The following ARHGAP15 variants were observed in gnomAD, a reference collection of about 807,000 sequenced individuals.
ARHGAP15 encodes Rho GTPase activating protein 15.
Under a neutral mutation model 63.7 loss-of-function variants are expected in ARHGAP15, and 51 were observed. The ratio of observed to expected loss-of-function variants is 0.80; its 90% CI spans 0.64 to 1.01. The LOEUF is 1.01. Among genes scored for constraint, ARHGAP15 ranks in the 50% least tolerant of loss-of-function variants. ARHGAP15 has a pLI of 0.00. For missense variants in ARHGAP15, 560 were observed against 564.6 expected, an observed-to-expected ratio of 0.99 and a Z score of 0.08; for synonymous variants, 191 against 193.8, an observed-to-expected ratio of 0.99 and a Z score of 0.12.
At chr2:143,361,724 T>C (rs1056326919) in intron 6 of ARHGAP15, among the ~76,000 whole-genome samples, 1 of 152,184 alleles carries the variant, frequency 6.6e-6, no homozygotes, top group African/African-American at 2.4e-5. Context: ...GTTCAGGTTC[T>C]CATCATCTAT....
At chr2:143,597,141 A>G (rs192197596) in intron 11 of ARHGAP15, among the ~76,000 whole-genome samples, 7,846 of 152,140 alleles carry the variant, frequency 0.052, 711 homozygotes, top group African/African-American at 0.18. Flanking sequence ...AACTGGATTG[A>G]AAGCATAAAT....
intron 13 of ARHGAP15, among the ~76,000 whole-genome samples, chr2:143,715,910 G>A (rs1407601207): frequency 1.3e-5 from 2 of 152,176 alleles, no homozygotes; most frequent in South Asian, 2.1e-4. Context: ...ATGGTATAAA[G>A]AAGGGGTCCA....
chr2:143,742,871 C>T (rs572851059), intron 13 of ARHGAP15, among the ~76,000 whole-genome samples: 1 of 152,298 alleles, frequency 6.6e-6, no homozygotes, highest in African/African-American at 2.4e-5. Flanking sequence ...GCCATAACCA[C>T]GACTGCTCAT....
intron 11 of ARHGAP15, chr2:143,587,629 C>G (rs1268488021): frequency 4.7e-6 from 2 of 427,992 alleles, no homozygotes; most frequent in African/African-American, 4.2e-5. Context: ...GTTGGCTTTT[C>G]CCTTCCCATA....
chr2:143,395,085 A>T (rs1470100276), intron 6 of ARHGAP15, among the ~76,000 whole-genome samples: 2 of 152,184 alleles, frequency 1.3e-5, no homozygotes, highest in East Asian at 3.8e-4. Flanking sequence ...AAAAATTCAA[A>T]GCACATAGAT....
intron 12 of ARHGAP15, among the ~76,000 whole-genome samples, chr2:143,671,691 C>T (rs1682534252): frequency 6.6e-6 from 1 of 152,058 alleles, no homozygotes; most frequent in African/African-American, 2.4e-5. Flanking sequence ...ACCTTCAGTT[C>T]GTTTTGCTGG....
At chr2:143,665,650 A>T (rs1412674853) in intron 12 of ARHGAP15, among the ~76,000 whole-genome samples, 21 of 120,952 alleles carry the variant, frequency 1.7e-4, no homozygotes, top group Middle Eastern at 4.2e-3. Flanking sequence ...AGACGACATG[A>T]TTGTATATCT....
intron 11 of ARHGAP15, among the ~76,000 whole-genome samples, chr2:143,598,940 T>A (rs6430036): frequency 0.6 from 90,442 of 150,924 alleles, 27,196 homozygotes; most frequent in East Asian, 0.77. Context: ...TTTTTTTTTT[T>A]AAAAAAAACT....
Position 143,645,163 on chromosome 2 carries a change from G to GC in ARHGAP15, c.1138+20897dup, listed in dbSNP as rs201131239. Among the ~76,000 whole-genome samples, 186 of 152,076 alleles carry GC rather than the reference G, an allele frequency of 1.2e-3. 2 individuals carry two copies. In the East Asian group the frequency reaches 0.036, roughly 29 times the overall value. On this transcript the variant is annotated intron_variant, in intron 12 of 13. Coordinates refer to ENST00000295095, the MANE Select transcript of ARHGAP15 (RefSeq NM_018460.4). Reference sequence around the variant, plus strand: ...CAAAAATGAACTTTGGCTAATTTTGGCATAAGCTCTCCAGCTCTACAAGCC... The same window carrying GC: ...CAAAAATGAACTTTGGCTAATTTTGGCCATAAGCTCTCCAGCTCTACAAGCC...
At chr2:143,677,287 T>C (rs756362875) in intron 12 of ARHGAP15, among the ~76,000 whole-genome samples, 3 of 152,268 alleles carry the variant, frequency 2.0e-5, no homozygotes, top group Non-Finnish European at 4.4e-5. Flanking sequence ...GTGTATCTGT[T>C]AACTGAACCA....
intron 11 of ARHGAP15, among the ~76,000 whole-genome samples, chr2:143,584,591 A>G (rs1697034760): frequency 6.6e-6 from 1 of 152,108 alleles, no homozygotes; most frequent in Non-Finnish European, 1.5e-5. Flanking sequence ...ATGCCACTGC[A>G]CTCAAGTCTG....
intron 4 of ARHGAP15, among the ~76,000 whole-genome samples, chr2:143,217,562 T>C (rs934514534): frequency 6.6e-6 from 1 of 152,134 alleles, no homozygotes; most frequent in African/African-American, 2.4e-5. Context: ...AAATGCAAGG[T>C]TGCTTTAAGA....
chr2:143,726,349 TAGAC>T (rs1350365911), intron 13 of ARHGAP15, among the ~76,000 whole-genome samples: 2 of 152,130 alleles, frequency 1.3e-5, no homozygotes, highest in Non-Finnish European at 2.9e-5. Flanking sequence ...GCAGTGTTTT[TAGAC>T]AGCTCTTCTA....
intron 2 of ARHGAP15, among the ~76,000 whole-genome samples, chr2:143,179,948 C>T (rs1443711894): frequency 6.6e-6 from 1 of 151,650 alleles, no homozygotes; most frequent in Non-Finnish European, 1.5e-5. Flanking sequence ...AAAATGCTAA[C>T]AATCATCTGA....
intron 6 of ARHGAP15, among the ~76,000 whole-genome samples, chr2:143,309,702 G>C (rs901656321): frequency 3.9e-5 from 6 of 151,970 alleles, no homozygotes; most frequent in Admixed American, 6.6e-5. Flanking sequence ...TTAATATTTT[G>C]TATCAGATAA....
intron 4 of ARHGAP15, among the ~76,000 whole-genome samples, chr2:143,225,926 C>T (rs1402269396): frequency 1.3e-5 from 2 of 152,124 alleles, no homozygotes; most frequent in Non-Finnish European, 2.9e-5. Flanking sequence ...TTGTCAGCAG[C>T]ATTATTATTC....
chr2:143,562,175 G>A (rs188612514), intron 11 of ARHGAP15, among the ~76,000 whole-genome samples: 5 of 152,242 alleles, frequency 3.3e-5, no homozygotes, highest in African/African-American at 1.2e-4. Flanking sequence ...CTTTAATATA[G>A]ATTTGTACCT....
intron 2 of ARHGAP15, among the ~76,000 whole-genome samples, chr2:143,163,388 CTTTA>C (rs1486726525): frequency 7.9e-5 from 12 of 151,250 alleles, no homozygotes; most frequent in South Asian, 2.1e-4. Flanking sequence ...ACACACATTT[CTTTA>C]TTTATATAGA....
intron 12 of ARHGAP15, among the ~76,000 whole-genome samples, chr2:143,656,953 GT>G (rs1182485973): frequency 1.4e-4 from 21 of 151,542 alleles, no homozygotes; most frequent in African/African-American, 5.1e-4. Flanking sequence ...GTGTGTGTGT[GT>G]GTGTGTGTGT....
Sources: allele counts gnomAD v4.1 joint callset (sites outside exome capture counted in the v4.1 genomes callset), GRCh38; gene constraint gnomAD v4.1.1; transcripts MANE v1.5; gene names NCBI Gene and HGNC (gene_info 2026-07-23, HGNC 2026-07-21).